Variants in ARHGAP24 observed in about 807,000 individuals in gnomAD.
The protein encoded by ARHGAP24 is rho GTPase-activating protein 24.
ARHGAP24 carries 50 observed loss-of-function variants against 76.4 expected under a neutral mutation model. The observed-to-expected ratio is 0.65, with a 90% CI of 0.52 to 0.83. The LOEUF (loss-of-function observed/expected upper bound fraction) is 0.83. Ranked by LOEUF, ARHGAP24 falls within the 40% of genes least tolerant of loss-of-function variation. ARHGAP24 has a pLI of 0.00. For synonymous variants in ARHGAP24, 345 were observed against 323.3 expected (o/e 1.07, Z -0.72); for missense variants, 930 against 914.2 (o/e 1.02, Z -0.22).
chr4:85,832,035 T>C (rs1316573565), intron 3 of ARHGAP24, among the ~76,000 whole-genome samples: 2 of 152,098 alleles, frequency 1.3e-5, no homozygotes, highest in East Asian at 1.9e-4. Context: ...ATTGAAGAGA[T>C]AGTTTGTCAC....
intron 1 of ARHGAP24, among the ~76,000 whole-genome samples, chr4:85,510,733 C>T (rs919892720): frequency 6.6e-6 from 1 of 151,162 alleles, no homozygotes; most frequent in African/African-American, 2.4e-5. Context: ...ATTTCCTTGT[C>T]ACCTTCATGG....
chr4:85,983,935 G>A (rs1284520680), intron 8 of ARHGAP24, among the ~76,000 whole-genome samples: 1 of 152,136 alleles, frequency 6.6e-6, no homozygotes, highest in Non-Finnish European at 1.5e-5. Flanking sequence ...TTTAAAATAT[G>A]TCTTAATTTA....
intron 2 of ARHGAP24, among the ~76,000 whole-genome samples, chr4:85,715,622 A>C (rs940110955): frequency 1.3e-5 from 2 of 152,060 alleles, no homozygotes; most frequent in Non-Finnish European, 2.9e-5. Context: ...AGATTTACTT[A>C]ATCACAAAAT....
intron 2 of ARHGAP24, among the ~76,000 whole-genome samples, chr4:85,644,324 A>G (rs1397940101): frequency 1.3e-5 from 2 of 152,086 alleles, no homozygotes; most frequent in Non-Finnish European, 2.9e-5. Flanking sequence ...AGAACATCAC[A>G]TTGGTTTTAA....
intron 2 of ARHGAP24, among the ~76,000 whole-genome samples, chr4:85,669,673 ATATATATATATATATATATG>A (rs1247305771): frequency 3.0e-5 from 2 of 67,450 alleles, no homozygotes; most frequent in Non-Finnish European, 6.5e-5. Flanking sequence ...ATATATATAT[ATATATATATATATATATATG>A]TGATATATAT....
At chr4:85,999,741 T>C (rs1014700616) in intron 9 of ARHGAP24, 1 of 152,202 alleles carries the variant, frequency 6.6e-6, no homozygotes, top group African/African-American at 2.4e-5. Context: ...AAAACGTTAC[T>C]GCGAATTCTA....
At chr4:85,694,890 A>G (rs1723813532) in intron 2 of ARHGAP24, among the ~76,000 whole-genome samples, 1 of 152,218 alleles carries the variant, frequency 6.6e-6, no homozygotes, top group Non-Finnish European at 1.5e-5. Context: ...AACTCCTCAA[A>G]TAACAAGTCA....
At chr4:85,753,587 C>T (rs1416814709) in intron 3 of ARHGAP24, among the ~76,000 whole-genome samples, 3 of 152,182 alleles carry the variant, frequency 2.0e-5, no homozygotes, top group South Asian at 2.1e-4. Context: ...GCAATTTATG[C>T]GCCCCACATA....
chr4:85,635,232 G>C (rs1721278567), intron 2 of ARHGAP24, among the ~76,000 whole-genome samples: 2 of 151,678 alleles, frequency 1.3e-5, no homozygotes, highest in Non-Finnish European at 3.0e-5. Context: ...CTGCCAAAAA[G>C]CATGGTGCCA....
chr4:85,770,639 C>T (rs1266670961), intron 3 of ARHGAP24, among the ~76,000 whole-genome samples: 2 of 152,210 alleles, frequency 1.3e-5, no homozygotes, highest in Admixed American at 6.5e-5. Flanking sequence ...AAAGAACCTT[C>T]AGAGTAATCT....
At chr4:85,538,337 GTTGA>G (rs1262543234) in intron 1 of ARHGAP24, among the ~76,000 whole-genome samples, 1 of 152,126 alleles carries the variant, frequency 6.6e-6, no homozygotes, top group Non-Finnish European at 1.5e-5. Flanking sequence ...GTAGTTATAT[GTTGA>G]TTATTTTTAT....
intron 3 of ARHGAP24, among the ~76,000 whole-genome samples, chr4:85,874,282 T>A (rs1237028521): frequency 6.6e-6 from 1 of 152,154 alleles, no homozygotes; most frequent in Admixed American, 6.6e-5. Flanking sequence ...CAAAGAGTAC[T>A]TGCTTCTAAT....
At chr4:85,813,624 T>C (rs980726785) in intron 3 of ARHGAP24, among the ~76,000 whole-genome samples, 2 of 151,818 alleles carry the variant, frequency 1.3e-5, no homozygotes, top group African/African-American at 4.8e-5. Context: ...TATGAAAAAA[T>C]AATTTTATTT....
At chr4:85,860,387 TA>T in intron 3 of ARHGAP24, among the ~76,000 whole-genome samples, 1 of 152,218 alleles carries the variant, frequency 6.6e-6, no homozygotes, top group East Asian at 1.9e-4. Context: ...GACCAAATGC[TA>T]AATACACATC....
intron 2 of ARHGAP24, among the ~76,000 whole-genome samples, chr4:85,576,367 T>G (rs962264859): frequency 3.9e-5 from 6 of 151,962 alleles, no homozygotes; most frequent in African/African-American, 1.4e-4. Context: ...GAGGCGGAGC[T>G]TGCAGTGAGG....
At chr4:85,935,196 G>A (rs113356655) in intron 4 of ARHGAP24, among the ~76,000 whole-genome samples, 2,412 of 152,294 alleles carry the variant, frequency 0.016, 21 homozygotes, top group Middle Eastern at 0.024. Context: ...TTTAAACTGC[G>A]TATAAGTGAC....
At chr4:85,824,473 GTGAAA>G (rs1941754468) in intron 3 of ARHGAP24, among the ~76,000 whole-genome samples, 1 of 152,194 alleles carries the variant, frequency 6.6e-6, no homozygotes, top group Non-Finnish European at 1.5e-5. Context: ...GAGTATCTGT[GTGAAA>G]TGAAACATTG....
intron 1 of ARHGAP24, among the ~76,000 whole-genome samples, chr4:85,541,395 C>T (rs1189702853): frequency 7.5e-5 from 9 of 120,796 alleles, no homozygotes; most frequent in Non-Finnish European, 9.2e-5. Flanking sequence ...CCTCGTGATC[C>T]GCCCGCCTCG....
chr4:85,826,092 G>T (rs78807016), intron 3 of ARHGAP24, among the ~76,000 whole-genome samples: 2,730 of 152,178 alleles, frequency 0.018, 91 homozygotes, highest in African/African-American at 0.062. Flanking sequence ...CATAAGACGG[G>T]TGGCCACATT....
Sources: allele counts gnomAD v4.1 joint callset (sites outside exome capture counted in the v4.1 genomes callset), GRCh38; gene constraint gnomAD v4.1.1; transcripts MANE v1.5; gene names NCBI Gene and HGNC (gene_info 2026-07-23, HGNC 2026-07-21).